CHLSN: variants seen among roughly 807,000 people sequenced by gnomAD.
The protein encoded by CHLSN is cholesin, also known as protein cholesin.
chr7:1,004,245 A>G, the CHLSN span, among the ~76,000 whole-genome samples: 3 of 152,120 alleles, frequency 2.0e-5, no homozygotes, highest in Non-Finnish European at 4.4e-5. Context: ...AGGCCATGGC[A>G]TCTGCCTGCT....
the CHLSN span, among the ~76,000 whole-genome samples, chr7:1,070,933 G>A: frequency 1.4e-4 from 18 of 127,374 alleles, no homozygotes; most frequent in African/African-American, 3.5e-4. Context: ...GCACAGACAC[G>A]CACACATGCA....
the CHLSN span, among the ~76,000 whole-genome samples, chr7:1,117,718 A>G: frequency 0.095 from 11,538 of 121,442 alleles, 1,397 homozygotes; most frequent in African/African-American, 0.31. Context: ...TTCCATCACC[A>G]ACGCCCACGC....
the CHLSN span, among the ~76,000 whole-genome samples, chr7:1,118,778 A>G: frequency 3.0e-5 from 4 of 132,476 alleles, no homozygotes; most frequent in Admixed American, 2.5e-4. Flanking sequence ...CCTGGGCAAG[A>G]TAGTGAGACC....
At chr7:1,015,205 G>A in the CHLSN span, among the ~76,000 whole-genome samples, 1 of 152,152 alleles carries the variant, frequency 6.6e-6, no homozygotes, top group Non-Finnish European at 1.5e-5. Context: ...GTTTGGGGGG[G>A]CTGAGGGGTG....
chr7:1,136,004 TATA>T, the CHLSN span, among the ~76,000 whole-genome samples: 1 of 120,348 alleles, frequency 8.3e-6, no homozygotes, highest in South Asian at 2.3e-4. Context: ...TAAATATATA[TATA>T]AAATATATAT....
the CHLSN span, among the ~76,000 whole-genome samples, chr7:1,013,620 G>A: frequency 3.3e-5 from 5 of 152,330 alleles, no homozygotes; most frequent in East Asian, 1.9e-4. Flanking sequence ...TTGAGCCGAC[G>A]CTGTCAGGGC....
chr7:1,085,777 G>A, the CHLSN span, among the ~76,000 whole-genome samples: 1 of 151,632 alleles, frequency 6.6e-6, no homozygotes, highest in African/African-American at 2.4e-5. Flanking sequence ...AGGCTGCAGT[G>A]AGCTGAGATC....
At chr7:1,023,656 CACACACACACACACACACACA>C in the CHLSN span, among the ~76,000 whole-genome samples, 15,758 of 150,320 alleles carry the variant, frequency 0.1, 1,086 homozygotes, top group Middle Eastern at 0.2. This position sits in a 1 kb window ranked among gnomAD's most constrained non-coding sequence, Gnocchi z 5.0. Context: ...CACACACACA[CACACACACACACACACACACA>C]CCAGCAACGC....
the CHLSN span, chr7:984,971 C>T: frequency 4.3e-5 from 69 of 1,605,380 alleles, no homozygotes; most frequent in Admixed American, 2.8e-4. Context: ...TCATCTGGGG[C>T]GCGCTGGAGG....
chr7:1,018,589 C>T, the CHLSN span, among the ~76,000 whole-genome samples: 1 of 152,110 alleles, frequency 6.6e-6, no homozygotes. Flanking sequence ...TGCACGCGGG[C>T]GGGTGGGGTC....
At chr7:1,049,161 G>A in the CHLSN span, among the ~76,000 whole-genome samples, 1 of 152,344 alleles carries the variant, frequency 6.6e-6, no homozygotes, top group Admixed American at 6.5e-5. Flanking sequence ...AGTGTGGGGT[G>A]TGACGGGGCC....
chr7:1,092,410 GCCA>G, the CHLSN span: 1 of 1,607,244 alleles, frequency 6.2e-7, no homozygotes, highest in South Asian at 1.1e-5. Flanking sequence ...CGTGCCCTTC[GCCA>G]TCATCGGCCT....
chr7:993,159 G>C, the CHLSN span, among the ~76,000 whole-genome samples: 1 of 152,184 alleles, frequency 6.6e-6, no homozygotes, highest in Non-Finnish European at 1.5e-5. Context: ...AGGGGTACGA[G>C]TGCTTCTGAG....
the CHLSN span, chr7:1,058,551 G>T: frequency 1.3e-6 from 1 of 754,464 alleles, no homozygotes; most frequent in East Asian, 2.4e-5. Flanking sequence ...CGTGACTCTG[G>T]TGGACGCAGA....
chr7:1,106,410 C>T, the CHLSN span, among the ~76,000 whole-genome samples: 1 of 152,154 alleles, frequency 6.6e-6, no homozygotes, highest in South Asian at 2.1e-4. Context: ...GGGGAGAGGA[C>T]AGAGCCAAGA....
chr7:1,088,751 A>G, the CHLSN span, among the ~76,000 whole-genome samples: 1 of 152,144 alleles, frequency 6.6e-6, no homozygotes, highest in African/African-American at 2.4e-5. The surrounding 1 kb of genome is among the most constrained non-coding windows in gnomAD (Gnocchi z 4.5). Flanking sequence ...GTGTGGCTTT[A>G]TTTCTCTATG....
At chr7:1,125,839 G>A in the CHLSN span, among the ~76,000 whole-genome samples, 5 of 152,206 alleles carry the variant, frequency 3.3e-5, no homozygotes, top group Admixed American at 6.5e-5. Context: ...TGACGCGCGC[G>A]TCGTCAGATT....
the CHLSN span, among the ~76,000 whole-genome samples, chr7:1,115,024 G>C: frequency 1.3e-5 from 2 of 152,258 alleles, no homozygotes; most frequent in Non-Finnish European, 2.9e-5. Flanking sequence ...TTTCGCCTTT[G>C]TGGATACCGT....
the CHLSN span, among the ~76,000 whole-genome samples, chr7:1,094,894 C>T: frequency 2.6e-5 from 4 of 152,140 alleles, no homozygotes; most frequent in East Asian, 1.9e-4. Context: ...CCTGCAGGAG[C>T]GGCCTCTGTG....
Sources: gnomAD v4.1 joint callset for allele counts (sites outside exome capture counted in the v4.1 genomes callset) on GRCh38, gnomAD v4.1.1 for gene constraint, Gnocchi (gnomAD v3.1) non-coding constraint, MANE v1.5 for transcripts, NCBI Gene and HGNC (gene_info 2026-07-23, HGNC 2026-07-21) for gene names.